The following SOD2 variants were observed in gnomAD, a reference collection of about 807,000 sequenced individuals.
The protein encoded by SOD2 is superoxide dismutase 2, also known as superoxide dismutase [Mn], mitochondrial.
Under a neutral mutation model 27.0 loss-of-function variants are expected in SOD2, and 11 were observed. That is an observed-to-expected ratio of 0.41 (90% CI 0.26 to 0.67). The LOEUF (loss-of-function observed/expected upper bound fraction) is 0.67. SOD2 is among the 30% of genes least tolerant of loss of function. The pLI, the probability that SOD2 is intolerant of heterozygous loss-of-function variation, is 0.34. For missense variants in SOD2, 250 were observed against 274.5 expected, an observed-to-expected ratio of 0.91 and a Z score of 0.63; for synonymous variants, 105 against 103.0, an observed-to-expected ratio of 1.02 and a Z score of -0.12.
intron 3 of SOD2, among the ~76,000 whole-genome samples, 186 bp from the exon 4 acceptor site, chr6:159,685,219 C>CTT (rs750824041): frequency 0.13 from 9,126 of 72,598 alleles, 509 homozygotes; most frequent in Admixed American, 0.17. Context: ...ATAACTTCAA[C>CTT]TTTTTTTTTT....
chr6:159,726,958 A>G (rs1396779412), intron 1 of SOD2: 3 of 1,286,370 alleles, frequency 2.3e-6, no homozygotes, highest in South Asian at 1.2e-5. Flanking sequence ...GATGAGCGTC[A>G]CGAACACAGA....
upstream of SOD2, chr6:159,748,331 C>T: frequency 1.2e-6 from 2 of 1,613,704 alleles, no homozygotes; most frequent in Non-Finnish European, 8.5e-7. The surrounding 1 kb of genome is among the most constrained non-coding windows in gnomAD (Gnocchi z 5.6). Context: ...TGGAACAAGC[C>T]CAAAATGAAC....
Position 159,675,877 on chromosome 6 carries a change from A to G in SOD2, c.*6616T>C, listed in dbSNP as rs1779768857. 1 of 152,236 alleles carries G rather than the reference A, an allele frequency of 6.6e-6. No individual in the cohort carries two copies. The highest frequency in any genetic ancestry group is 1.5e-5 in the Non-Finnish European group (1 of 68,050). 9.4% of individuals were successfully genotyped at this position (152,236 alleles called of 1,614,324 possible). A position where few individuals can be genotyped will look rare whatever the true frequency, so the allele number is the denominator to read the frequency against. On this transcript the variant is annotated 3_prime_UTR_variant, in exon 5 of 5. Transcript: ENST00000538183. ...GACAAAGGGCTAATATCCAGAATCT[A>G]CAAGGAACTCAAACAAACTTACAAG...
At position 159,681,458 on chromosome 6, in the gene SOD2, TCA is replaced by T. The variant is rs1021090134; in HGVS notation, c.*1033_*1034del. On this transcript the variant is annotated 3_prime_UTR_variant, in exon 5 of 5. Transcript: ENST00000538183. Reference sequence around the variant, plus strand: ...AAACTCTGACCTCCATTCTTTGCTCTCAGTTTCTTCCTGAGGGGCCTGGCCAG... The same window carrying T: ...AAACTCTGACCTCCATTCTTTGCTCTGTTTCTTCCTGAGGGGCCTGGCCAG... 6.6e-6 allele frequency: 1 copy of T among 152,228 alleles called. No individual in the cohort carries two copies. The highest frequency in any genetic ancestry group is 1.5e-5 in the Non-Finnish European group (1 of 68,094). 9.4% of individuals were successfully genotyped at this position (152,228 alleles called of 1,614,324 possible).
At position 159,682,252 on chromosome 6, in the gene SOD2, C is replaced by A. The variant is rs2114762358; in HGVS notation, c.*241G>T. ...TTTATAAATGACAATTGTAATTTAGCTCTCTGAAGAAAATGTCCAATCAGA... is the reference window on the plus strand; with the variant it reads ...TTTATAAATGACAATTGTAATTTAGATCTCTGAAGAAAATGTCCAATCAGA... On this transcript the variant is annotated 3_prime_UTR_variant, in exon 5 of 5. Coordinates refer to ENST00000538183, the MANE Select transcript of SOD2 (RefSeq NM_000636.4). 2 of 333,192 alleles carry A rather than the reference C, an allele frequency of 6.0e-6. No individual in the cohort carries two copies. The highest frequency in any genetic ancestry group is 1.6e-4 in the South Asian group (2 of 12,554). 20.6% of individuals were successfully genotyped at this position (333,192 alleles called of 1,614,324 possible). A position where few individuals can be genotyped will look rare whatever the true frequency, so the allele number is the denominator to read the frequency against.
At chr6:159,741,622 C>T (rs955698878) in intron 1 of SOD2, 1 of 153,614 alleles carries the variant, frequency 6.5e-6, no homozygotes, top group Non-Finnish European at 1.4e-5. Flanking sequence ...AAAAAACCTT[C>T]TCTATATATC....
chr6:159,731,963 C>G (rs1227880268), upstream of SOD2, among the ~76,000 whole-genome samples: 6 of 151,944 alleles, frequency 3.9e-5, no homozygotes, highest in Non-Finnish European at 7.4e-5. Flanking sequence ...ATATGGATAC[C>G]TGTCTTTAAG....
intron 1 of SOD2, among the ~76,000 whole-genome samples, chr6:159,757,041 TTA>T (rs1363212452): frequency 6.6e-6 from 1 of 152,148 alleles, no homozygotes; most frequent in Non-Finnish European, 1.5e-5. Flanking sequence ...TCTGGTAATA[TTA>T]TATGAGTAAG....
At chr6:159,731,148 A>G (rs1778543972), upstream of SOD2, among the ~76,000 whole-genome samples, 3 of 149,442 alleles carry the variant, frequency 2.0e-5, no homozygotes, top group South Asian at 4.3e-4. Flanking sequence ...CTCAAAAAAA[A>G]GAAAAAAAGA....
Position 159,675,113 on chromosome 6 carries a change from G to T in SOD2, c.*7380C>A, listed in dbSNP as rs1173825913. 1 of 152,156 alleles carries T rather than the reference G, an allele frequency of 6.6e-6. No individual in the cohort carries two copies. Among genetic ancestry groups the T allele is most frequent in the Non-Finnish European group, 1.5e-5 (1 of 68,020 alleles). The allele number at this position is 152,156 out of a possible 1,614,324, so 9.4% of individuals were successfully genotyped here. On this transcript the variant is annotated 3_prime_UTR_variant, in exon 5 of 5. Transcript: ENST00000538183. Reference sequence around the variant, plus strand: ...AAATAAAAGAGGACACAAACAAATGGAAGAACATTCCATGCTCATGGATAG... The same window carrying T: ...AAATAAAAGAGGACACAAACAAATGTAAGAACATTCCATGCTCATGGATAG...
At chr6:159,726,139 G>C (rs1778162118) in intron 1 of SOD2, 1 of 152,456 alleles carries the variant, frequency 6.6e-6, no homozygotes. Flanking sequence ...AAGTAATTTT[G>C]TACTCCGTGG....
chr6:159,727,406 A>AGGCG (rs761734374), upstream of SOD2: 8 of 501,572 alleles, frequency 1.6e-5, no homozygotes, highest in African/African-American at 2.5e-4. Flanking sequence ...GGCGGGAGGC[A>AGGCG]GTGGCGCTGG....
intron 1 of SOD2, chr6:159,755,264 T>A: frequency 6.2e-7 from 1 of 1,614,038 alleles, no homozygotes; most frequent in Non-Finnish European, 8.5e-7. Context: ...TAATGGTAGC[T>A]CCTCCCGCCA....
intron 1 of SOD2, among the ~76,000 whole-genome samples, chr6:159,735,096 T>G (rs1271566484): frequency 6.6e-6 from 1 of 152,192 alleles, no homozygotes; most frequent in Non-Finnish European, 1.5e-5. Flanking sequence ...AATTAAATAC[T>G]GTAGGAATAT....
chr6:159,722,663 G>A (rs2114840347), intron 1 of SOD2, among the ~76,000 whole-genome samples: 1 of 152,162 alleles, frequency 6.6e-6, no homozygotes. Flanking sequence ...ATTTATTTTT[G>A]AGAGACTGAA....
At chr6:159,723,540 G>A (rs1190704315) in intron 1 of SOD2, among the ~76,000 whole-genome samples, 1 of 152,190 alleles carries the variant, frequency 6.6e-6, no homozygotes, top group African/African-American at 2.4e-5. Context: ...GATCTTTTTA[G>A]TGGGAAATGG....
chr6:159,695,654 C>T (rs1777410067), upstream of SOD2, among the ~76,000 whole-genome samples: 1 of 152,172 alleles, frequency 6.6e-6, no homozygotes. Context: ...ACCACCATGC[C>T]TGGCTAATTT....
At chr6:159,683,702 G>A (rs1780057857) in intron 4 of SOD2, among the ~76,000 whole-genome samples, 1 of 152,058 alleles carries the variant, frequency 6.6e-6, no homozygotes, top group Admixed American at 6.6e-5. Context: ...AGTGTAGCTG[G>A]GACTCACTTA....
upstream of SOD2, among the ~76,000 whole-genome samples, chr6:159,747,303 T>C (rs141318830): frequency 1.3e-5 from 2 of 152,286 alleles, no homozygotes; most frequent in African/African-American, 4.8e-5. Context: ...AGAAGGGTTC[T>C]GGTATGGTGG....
Sources: gnomAD v4.1 joint callset for allele counts (sites outside exome capture counted in the v4.1 genomes callset) on GRCh38, gnomAD v4.1.1 for gene constraint, Gnocchi (gnomAD v3.1) non-coding constraint, MANE v1.5 for transcripts, NCBI Gene and HGNC (gene_info 2026-07-23, HGNC 2026-07-21) for gene names.